Variants in WDR46 observed in about 807,000 individuals in gnomAD.
The protein encoded by WDR46 is WD repeat-containing protein 46.
In WDR46, 58 loss-of-function variants were observed where a neutral mutation model predicts 74.7. The observed-to-expected ratio is 0.78, with a 90% CI of 0.63 to 0.97. The LOEUF (loss-of-function observed/expected upper bound fraction) is 0.97, where lower values mean the gene tolerates loss of function less well. Among genes scored for constraint, WDR46 ranks in the 50% least tolerant of loss-of-function variants. The pLI, the probability that WDR46 is intolerant of heterozygous loss-of-function variation, is 0.00. For synonymous variants in WDR46, 278 were observed against 297.3 expected (o/e 0.93, Z 0.67); for missense variants, 702 against 790.1 (o/e 0.89, Z 1.34).
At chr6:33,281,316 C>A (rs776602144) in intron 10 of WDR46, among the ~76,000 whole-genome samples, 1 of 151,924 alleles carries the variant, frequency 6.6e-6, no homozygotes, top group Non-Finnish European at 1.5e-5. Context: ...GGAACGCCCA[C>A]ACGACAGGCT....
At chr6:33,282,563 A>G (rs1277648845) in intron 10 of WDR46, among the ~76,000 whole-genome samples, 1 of 152,198 alleles carries the variant, frequency 6.6e-6, no homozygotes, top group Admixed American at 6.5e-5. Context: ...TCCAATCATA[A>G]TACAAGCTAC....
chr6:33,288,774 G>A, intron 2 of WDR46, 30 bp downstream of exon 2: 1 of 1,613,658 alleles, frequency 6.2e-7, no homozygotes, highest in Non-Finnish European at 8.5e-7. Context: ...GAGGCGGCCT[G>A]CCTCGCCACC....
In WDR46 at chr6:33,288,454, G is replaced by T; in HGVS notation, c.377C>A (p.Ala126Asp). 6.2e-7 allele frequency: 1 copy of T among 1,614,102 alleles called. No individual in the cohort carries two copies. Among genetic ancestry groups the T allele is most frequent in the Non-Finnish European group, 8.5e-7 (1 of 1,180,036 alleles). Residue 126 changes from alanine (A) to aspartate (D), a missense_variant, in exon 4 of 15, where the codon GCC (alanine) becomes GAC (aspartate). Transcript: ENST00000374617. ...DKSRKLPHSKAKTRSRLEVAE... is the reference protein window; with the variant it reads ...DKSRKLPHSKDKTRSRLEVAE... The stretch of plus-strand genomic sequence containing the variant: ...CACCTCAAGTCGGCTTCGAGTTTTG[G>T]CTTTAGAATGTGGTAGCTGTAACAT...
rs765928355 is a variant in WDR46, at chr6:33,279,358, C to T, written c.1751G>A (p.Ser584Asn). ...CTCCTTATGATGCTGCTGCTGAAGG[C>T]TCTGCCGGACCTTGTCCTGGGGACC... ...DEEHRDKVRQ[S>N]LQQQHHKEAK... is the part of the protein sequence containing the mutation. The change falls in exon 15 of 15, where the codon AGC becomes AAC. Residue 584 changes from serine (S) to asparagine (N), a missense_variant. Coordinates refer to ENST00000374617, the MANE Select transcript of WDR46 (RefSeq NM_005452.6). The T allele has an allele frequency of 9.3e-6, 15 of 1,613,976 alleles. No homozygotes were observed. Among genetic ancestry groups the T allele is most frequent in the South Asian group, 1.1e-5 (1 of 91,094 alleles).
At chr6:33,285,734 A>G (rs1255204977) in intron 10 of WDR46, among the ~76,000 whole-genome samples, 1 of 151,788 alleles carries the variant, frequency 6.6e-6, no homozygotes, top group East Asian at 2.0e-4. Flanking sequence ...CATGTTGGCC[A>G]GGCTGGTCTC....
At position 33,279,194 on chromosome 6, in the gene WDR46, C is replaced by T. The variant is rs1765889281; in HGVS notation, c.*82G>A. ...GTTGGGGAAGGGGCCACACTGCCCC[C>T]ACCTCCTTGTTCCAGGGAACACTCA... On this transcript the variant is annotated 3_prime_UTR_variant, in exon 15 of 15. Transcript: ENST00000374617. 4 of 1,578,902 alleles carry T rather than the reference C, an allele frequency of 2.5e-6. No individual in the cohort carries two copies. The East Asian group carries it at 6.8e-5, about 27-fold the overall frequency.
chr6:33,285,763 G>A (rs1766564523), intron 10 of WDR46, among the ~76,000 whole-genome samples: 1 of 151,962 alleles, frequency 6.6e-6, no homozygotes, highest in African/African-American at 2.4e-5. Flanking sequence ...GACCTCAGGC[G>A]ATCCACCCGC....
At position 33,279,485 on chromosome 6, in the gene WDR46, A is replaced by G. The variant is rs777395336; in HGVS notation, c.1734+12T>C. On this transcript the variant is annotated intron_variant, in intron 14 of 14. Transcript: ENST00000374617. Reference sequence around the variant, plus strand: ...CCTGTGGAAGGCCCGGCCCATGCCAATGCTCATTTACCCTGTGTTCCTCAT... The same window carrying G: ...CCTGTGGAAGGCCCGGCCCATGCCAGTGCTCATTTACCCTGTGTTCCTCAT... The G allele has an allele frequency of 2.0e-5, 33 of 1,611,888 alleles. No individual in the cohort carries two copies. The highest frequency in any genetic ancestry group is 8.9e-5 in the East Asian group (4 of 44,890).
Position 33,279,533 on chromosome 6 carries a change from C to T in WDR46, c.1698G>A (p.Val566=), listed in dbSNP as rs775252401. 1 of 1,614,070 alleles carries T rather than the reference C, an allele frequency of 6.2e-7. No individual in the cohort carries two copies. The highest frequency in any genetic ancestry group is 1.1e-5 in the South Asian group (1 of 91,092). The change falls in exon 14 of 15, where the codon GTG becomes GTA. Residue 566 remains valine (V), a synonymous_variant. Coordinates refer to ENST00000374617, the MANE Select transcript of WDR46 (RefSeq NM_005452.6). Reference sequence around the variant, plus strand: ...CATCCATGACCTTCCTCTTCCTCTTCACCAGGCTTGCCGTGGAGCTGCGGC... The same window carrying T: ...CATCCATGACCTTCCTCTTCCTCTTTACCAGGCTTGCCGTGGAGCTGCGGC... The part of the protein sequence containing the change: ...QKGRSSTASL[V]KRKRKVMDEE...
Position 33,287,232 on chromosome 6 carries a change from A to C in WDR46, c.880-6T>G. ...GTTAGAAACCCTGTTTCTGACTGAGAGAGAAAGACAGAGAGAATGACCCAG... is the reference window on the plus strand; with the variant it reads ...GTTAGAAACCCTGTTTCTGACTGAGCGAGAAAGACAGAGAGAATGACCCAG... On this transcript the variant is annotated splice_region_variant and splice_polypyrimidine_tract_variant and intron_variant, in intron 8 of 14. Transcript: ENST00000374617. 1 of 1,613,530 alleles carries C rather than the reference A, an allele frequency of 6.2e-7. No individual in the cohort carries two copies. The highest frequency in any genetic ancestry group is 1.1e-5 in the South Asian group (1 of 91,024).
chr6:33,283,257 G>T (rs949548857), intron 10 of WDR46, among the ~76,000 whole-genome samples: 4 of 152,012 alleles, frequency 2.6e-5, no homozygotes, highest in Non-Finnish European at 5.9e-5. Context: ...GTGGTGGGGG[G>T]GGTGGTCCCA....
In WDR46 at chr6:33,289,238, T is replaced by A; in HGVS notation, c.-68A>T. On this transcript the variant is annotated 5_prime_UTR_variant, in exon 1 of 15. Coordinates refer to ENST00000374617, the MANE Select transcript of WDR46 (RefSeq NM_005452.6). ...GCTGCCACACAGTCGGCTTGAAAAC[T>A]CCCGGAAGCCCTCTGTCCTTCATCC... 3 of 1,563,104 alleles carry A rather than the reference T, an allele frequency of 1.9e-6. No individual in the cohort carries two copies. The highest frequency in any genetic ancestry group is 2.4e-5 in the South Asian group (2 of 85,054).
chr6:33,279,970 G>T, intron 12 of WDR46, 111 bp from the exon 13 acceptor site: 1 of 977,466 alleles, frequency 1.0e-6, no homozygotes. Flanking sequence ...CCCAGCATGA[G>T]ACATCAGGAG....
intron 10 of WDR46, chr6:33,284,453 T>TA: frequency 6.5e-6 from 1 of 153,858 alleles, no homozygotes; most frequent in Admixed American, 6.5e-5. Context: ...AAAATGCAGA[T>TA]ACTCCCTCAG....
At chr6:33,283,601 A>G (rs1766370351) in intron 10 of WDR46, among the ~76,000 whole-genome samples, 1 of 152,106 alleles carries the variant, frequency 6.6e-6, no homozygotes, top group African/African-American at 2.4e-5. Context: ...CTGTGTAGAA[A>G]CTAATGGCAT....
chr6:33,288,028 T>C lies in WDR46; in HGVS notation c.562-2A>G, dbSNP rs1766841092. 18 of 1,614,126 alleles carry C rather than the reference T, an allele frequency of 1.1e-5. No homozygotes were observed. Among genetic ancestry groups the C allele is most frequent in the Non-Finnish European group, 1.5e-5 (18 of 1,180,010 alleles). On this transcript the variant is annotated splice_acceptor_variant, in intron 5 of 14. Coordinates refer to ENST00000374617, the MANE Select transcript of WDR46 (RefSeq NM_005452.6). LOFTEE classifies it high-confidence loss of function. ...CTGCCGCAGATTCAAGTCAAAGTGC[T>C]GGGAAAGAGAAGAGTGAAAAAAAAG...
chr6:33,283,781 C>G (rs569180726), intron 10 of WDR46, among the ~76,000 whole-genome samples: 4 of 152,142 alleles, frequency 2.6e-5, no homozygotes, highest in African/African-American at 9.7e-5. Flanking sequence ...CACTTGTACT[C>G]CCAGCTACTT....
chr6:33,280,512 C>G lies in WDR46; in HGVS notation c.1440G>C (p.Glu480Asp), dbSNP rs754628658. The G allele has an allele frequency of 1.2e-6, 2 of 1,601,306 alleles. No homozygotes were observed. Among genetic ancestry groups the G allele is most frequent in the Non-Finnish European group, 1.7e-6 (2 of 1,173,188 alleles). ...TACTCTCCAGGCCATCGAAGTTGGG[C>G]TCACCGGCCCCTGAAGGGAGGGAGG... ...ITSMLVPGAG[E>D]PNFDGLESNP... is the part of the protein sequence containing the mutation. The change falls in exon 12 of 15, where the codon GAG (glutamate) becomes GAC (aspartate). Residue 480 changes from glutamate (E) to aspartate (D), a missense_variant. Transcript: ENST00000374617.
At position 33,288,936 on chromosome 6, in the gene WDR46, C is replaced by A. The variant is rs143331167; in HGVS notation, c.147G>T (p.Lys49Asn). Residue 49 changes from lysine (K) to asparagine (N), a missense_variant, in exon 2 of 15, where the codon AAG becomes AAT. Lys to Asn is a moderately conservative substitution (Grantham distance 94). Transcript: ENST00000374617. ...GASPGPPRNK[K>N]NRELRPQRPK... is the part of the protein sequence containing the mutation. Reference sequence around the variant, plus strand: ...GTCTCTGAGGACGGAGCTCCCGATTCTTCTTGTTACGAGGAGGCCCTGGAG... The same window carrying A: ...GTCTCTGAGGACGGAGCTCCCGATTATTCTTGTTACGAGGAGGCCCTGGAG... 6.2e-7 allele frequency: 1 copy of A among 1,614,098 alleles called. No individual in the cohort carries two copies. Among genetic ancestry groups the A allele is most frequent in the African/African-American group, 1.3e-5 (1 of 75,016 alleles).
Sources: allele counts gnomAD v4.1 joint callset (sites outside exome capture counted in the v4.1 genomes callset), GRCh38; gene constraint gnomAD v4.1.1; transcripts MANE v1.5; gene names NCBI Gene and HGNC (gene_info 2026-07-23, HGNC 2026-07-21).